The following LMOD1 variants were observed in gnomAD, a reference collection of about 807,000 sequenced individuals.
The protein encoded by LMOD1 is leiomodin-1.
LMOD1 carries 8 observed loss-of-function variants against 36.5 expected under a neutral mutation model. The observed-to-expected ratio is 0.22, with a 90% confidence interval of 0.13 to 0.40. The LOEUF (loss-of-function observed/expected upper bound fraction) is 0.40. Among genes scored for constraint, LMOD1 ranks in the 10% least tolerant of loss-of-function variants. The pLI, the probability that LMOD1 is intolerant of heterozygous loss-of-function variation, is 1.00. For missense variants in LMOD1, 630 were observed against 751.1 expected (o/e 0.84, Z 1.88); for synonymous variants, 284 against 288.7 (o/e 0.98, Z 0.17).
intron 1 of LMOD1, among the ~76,000 whole-genome samples, chr1:201,910,364 C>T (rs1681475248): frequency 6.6e-6 from 1 of 151,858 alleles, no homozygotes; most frequent in African/African-American, 2.4e-5. Context: ...GCCTCCGTCT[C>T]CCAGGCTCAA....
chr1:201,905,637 C>A (rs1681399372), intron 1 of LMOD1, among the ~76,000 whole-genome samples: 1 of 152,236 alleles, frequency 6.6e-6, no homozygotes, highest in African/African-American at 2.4e-5. Flanking sequence ...CACACCGTCC[C>A]CCACTGAGGT....
rs756949838 is a variant in LMOD1 at position 201,900,034 on chromosome 1, T to C, written c.979A>G (p.Asn327Asp). Residue 327 changes from asparagine (N) to aspartate (D), a missense_variant, in exon 2 of 3, where the codon AAC (asparagine) becomes GAC (aspartate). By Grantham distance (23) the Asn-to-Asp change is conservative. Around this residue, in one of 3 missense-constraint regions of LMOD1, gnomAD observed 81 missense variants for 180.6 expected, o/e 0.45. Coordinates refer to ENST00000367288, the MANE Select transcript of LMOD1 (RefSeq NM_012134.3). ...ACCTCAGTCATCTCGGGGTCATTGT[T>C]CTTCACTCTCTCCAGAGGCTCATCA... ...IFDEPLERVK[N>D]NDPEMTEVNV... The C allele has an allele frequency of 9.3e-6, 15 of 1,613,814 alleles. No homozygotes were observed. The East Asian group carries it at 3.1e-4, about 34-fold the overall frequency.
intron 1 of LMOD1, among the ~76,000 whole-genome samples, chr1:201,924,042 C>T (rs1681755852): frequency 1.3e-5 from 2 of 151,598 alleles, no homozygotes; most frequent in African/African-American, 2.4e-5. Flanking sequence ...AGAGGCTGGG[C>T]ACAGTGGCTC....
At chr1:201,916,517 AAAAC>A (rs1327289000) in intron 1 of LMOD1, among the ~76,000 whole-genome samples, 1 of 11,224 alleles carries the variant, frequency 8.9e-5, no homozygotes, top group Non-Finnish European at 3.9e-4. Flanking sequence ...CCTGTCTCAA[AAAAC>A]AAAACAAAAC....
chr1:201,906,323 GTCCATCCGCA>G (rs1681410928), intron 1 of LMOD1, among the ~76,000 whole-genome samples: 1 of 152,138 alleles, frequency 6.6e-6, no homozygotes, highest in African/African-American at 2.4e-5. Context: ...CTTACCACCT[GTCCATCCGCA>G]TCCTGCATCA....
chr1:201,915,925 A>G (rs1257708357), intron 1 of LMOD1, among the ~76,000 whole-genome samples: 2 of 149,952 alleles, frequency 1.3e-5, no homozygotes, highest in African/African-American at 4.9e-5. Flanking sequence ...TAATGTCTGA[A>G]CTTTTTTTTT....
intron 1 of LMOD1, among the ~76,000 whole-genome samples, chr1:201,934,075 G>A (rs990893208): frequency 6.6e-6 from 1 of 152,112 alleles, no homozygotes; most frequent in Non-Finnish European, 1.5e-5. Context: ...ACAGAAGATC[G>A]ATGCACTGGA....
intron 1 of LMOD1, among the ~76,000 whole-genome samples, chr1:201,927,272 C>A (rs1681840306): frequency 6.6e-6 from 1 of 152,090 alleles, no homozygotes; most frequent in African/African-American, 2.4e-5. Context: ...TAGATATTTT[C>A]TTGGTGATTT....
At chr1:201,928,201 C>G (rs1681861719) in intron 1 of LMOD1, among the ~76,000 whole-genome samples, 2 of 152,238 alleles carry the variant, frequency 1.3e-5, no homozygotes, top group African/African-American at 4.8e-5. Flanking sequence ...ATAAATCACA[C>G]AGTCTGTAGT....
intron 1 of LMOD1, among the ~76,000 whole-genome samples, chr1:201,907,965 G>C (rs1375715979): frequency 1.3e-5 from 2 of 152,124 alleles, no homozygotes; most frequent in East Asian, 1.9e-4. Flanking sequence ...TGTAGCAGAG[G>C]GTGTTGAGGG....
In LMOD1 at chr1:201,935,804, G is replaced by A. The variant is rs529259316; in HGVS notation, c.261+10276C>T. 3.4e-3 allele frequency among the ~76,000 whole-genome samples: 515 copies of A among 150,764 alleles called. 2 individuals carry two copies. The highest frequency in any genetic ancestry group is 0.012 in the African/African-American group (477 of 41,226). On this transcript the variant is annotated intron_variant, in intron 1 of 2. Transcript: ENST00000367288. ...ACTCCTGATCTCAAGTGATCTGCCC[G>A]CCTCAGCTTCCCAAAGTGCTGGGAT...
chr1:201,900,293 T>C lies in LMOD1; in HGVS notation c.720A>G (p.Lys240=). 6.2e-7 allele frequency: 1 copy of C among 1,608,784 alleles called. No homozygotes were observed. The highest frequency in any genetic ancestry group is 1.1e-5 in the South Asian group (1 of 90,452). ...TDTRKEGEKM[K]RAGGNTDMKK... ...TCATGTCTGTGTTCCCACCTGCTCTTTTCATCTTCTCACCCTCTTTTCTGG... is the reference window on the plus strand; with the variant it reads ...TCATGTCTGTGTTCCCACCTGCTCTCTTCATCTTCTCACCCTCTTTTCTGG... The change falls in exon 2 of 3, where the codon AAA becomes AAG. Residue 240 remains lysine, a synonymous_variant. Coordinates refer to ENST00000367288, the MANE Select transcript of LMOD1 (RefSeq NM_012134.3).
At chr1:201,942,515 A>T (rs966616338) in intron 1 of LMOD1, among the ~76,000 whole-genome samples, 1 of 152,128 alleles carries the variant, frequency 6.6e-6, no homozygotes, top group African/African-American at 2.4e-5. Flanking sequence ...CATCCCTTGG[A>T]GGGAGACCCT....
At chr1:201,900,870 G>A (rs985984578) in intron 1 of LMOD1, 119 bp from the exon 2 acceptor site, 1 of 869,432 alleles carries the variant, frequency 1.2e-6, no homozygotes, top group Admixed American at 2.9e-5. Context: ...AAGGACAGTT[G>A]TGCTGTTTGG....
chr1:201,913,430 A>T (rs1043650487), intron 1 of LMOD1, among the ~76,000 whole-genome samples: 2 of 152,012 alleles, frequency 1.3e-5, no homozygotes, highest in African/African-American at 4.8e-5. Context: ...ACATGGTGAA[A>T]CCCCATCTCT....
At chr1:201,904,577 C>T (rs1383067241) in intron 1 of LMOD1, among the ~76,000 whole-genome samples, 1 of 152,192 alleles carries the variant, frequency 6.6e-6, no homozygotes, top group African/African-American at 2.4e-5. Flanking sequence ...TAATCCAGGA[C>T]TACTCCCCAC....
intron 1 of LMOD1, among the ~76,000 whole-genome samples, chr1:201,906,936 G>A (rs188522434): frequency 6.6e-5 from 10 of 152,274 alleles, no homozygotes; most frequent in Admixed American, 6.5e-4. Context: ...GGGAAAGTTG[G>A]ATTCCTGGCA....
At chr1:201,932,411 G>A (rs577470391) in intron 1 of LMOD1, among the ~76,000 whole-genome samples, 37 of 152,148 alleles carry the variant, frequency 2.4e-4, no homozygotes, top group African/African-American at 8.0e-4. Context: ...GGCAGAACAC[G>A]CTGAAAAGGT....
chr1:201,909,791 C>T (rs529556121), intron 1 of LMOD1, among the ~76,000 whole-genome samples: 12 of 152,320 alleles, frequency 7.9e-5, no homozygotes, highest in East Asian at 1.9e-4. Context: ...GACTCTACAA[C>T]GCATCCCCAT....
Sources: gnomAD v4.1 joint callset for allele counts (sites outside exome capture counted in the v4.1 genomes callset) on GRCh38, gnomAD v4.1.1 for gene constraint, gnomAD v4.1.1 regional missense constraint, MANE v1.5 for transcripts, NCBI Gene and HGNC (gene_info 2026-07-23, HGNC 2026-07-21) for gene names.